RBM26: variants seen among roughly 807,000 people sequenced by gnomAD.
RBM26 encodes the protein RNA-binding protein 26.
Under a neutral mutation model 123.6 loss-of-function variants are expected in RBM26, and 30 were observed. The ratio of observed to expected loss-of-function variants is 0.24; its 90% CI spans 0.18 to 0.33. The LOEUF is 0.33. RBM26 is among the 10% of genes least tolerant of loss of function. The pLI, the probability that RBM26 is intolerant of heterozygous loss-of-function variation, is 1.00. For missense variants in RBM26, 947 were observed against 1,203.6 expected, an observed-to-expected ratio of 0.79 and a Z score of 3.15; for synonymous variants, 400 against 404.4, an observed-to-expected ratio of 0.99 and a Z score of 0.13.
chr13:79,366,730 G>C lies in RBM26; in HGVS notation c.1038C>G (p.Leu346=), dbSNP rs376117873. ...GTGTAAGAATTGGTGGAGGTGGGGG[G>C]AGTCCAGGAGGAGGTGGTCCTTCAA... The part of the protein sequence containing the change: ...PVVEGPPPPG[L]PPPPPILTPP... Residue 346 remains leucine (L), a synonymous_variant, in exon 7 of 22, where the codon CTC becomes CTG. Transcript: ENST00000438737. 7.5e-6 allele frequency: 12 copies of C among 1,606,738 alleles called. No individual in the cohort carries two copies. In the East Asian group the frequency reaches 9.0e-5, roughly 12 times the overall value.
In RBM26 at chr13:79,319,989, T is replaced by C; in HGVS notation, c.*632A>G. On this transcript the variant is annotated 3_prime_UTR_variant, in exon 22 of 22. Coordinates refer to ENST00000438737, the MANE Select transcript of RBM26 (RefSeq NM_001366735.2). ...TTTTTTTGTCATTGCTTTTCTCTTTTCTTTCCTTTTTTTTTTTTAAAGAGA... is the reference window on the plus strand; with the variant it reads ...TTTTTTTGTCATTGCTTTTCTCTTTCCTTTCCTTTTTTTTTTTTAAAGAGA... The C allele has an allele frequency of 2.6e-6, 2 of 778,994 alleles. No homozygotes were observed. Among genetic ancestry groups the C allele is most frequent in the Non-Finnish European group, 3.1e-6 (2 of 653,466 alleles). The allele number at this position is 778,994 out of a possible 1,614,324, so 48.3% of individuals were successfully genotyped here. A position where few individuals can be genotyped will look rare whatever the true frequency, so the allele number is the denominator to read the frequency against.
intron 3 of RBM26, among the ~76,000 whole-genome samples, chr13:79,373,228 GTA>G (rs201884929): frequency 0.063 from 6,315 of 100,638 alleles, 365 homozygotes; most frequent in East Asian, 0.17. Flanking sequence ...ATATAAATAT[GTA>G]TATGTTTATG....
chr13:79,378,949 C>A, intron 1 of RBM26, 42 bp from the exon 2 acceptor site: 1 of 1,175,392 alleles, frequency 8.5e-7, no homozygotes, highest in Non-Finnish European at 1.3e-6. Flanking sequence ...TAGCCAACTG[C>A]ACATTCTACA....
At chr13:79,367,154 C>T (rs866438625) in intron 6 of RBM26, among the ~76,000 whole-genome samples, 2 of 151,970 alleles carry the variant, frequency 1.3e-5, no homozygotes, top group Middle Eastern at 3.4e-3. Flanking sequence ...GGCCTGTAAT[C>T]CCAGCACTTT....
intron 6 of RBM26, among the ~76,000 whole-genome samples, chr13:79,367,494 A>G (rs1365493858): frequency 6.7e-6 from 1 of 149,300 alleles, no homozygotes; most frequent in Non-Finnish European, 1.5e-5. Context: ...GCCTGGTAGG[A>G]GGTGTTAGGG....
chr13:79,350,747 G>C (rs1281057930), intron 14 of RBM26, among the ~76,000 whole-genome samples: 1 of 151,916 alleles, frequency 6.6e-6, no homozygotes, highest in Non-Finnish European at 1.5e-5. Context: ...TTTAAAAAAA[G>C]AATCTTTCAA....
Position 79,359,666 on chromosome 13 carries a change from T to C in RBM26, c.1438A>G (p.Ser480Gly). The change falls in exon 10 of 22, where the codon AGT becomes GGT. Residue 480 changes from serine to glycine, a missense_variant. Ser to Gly is a moderately conservative substitution (Grantham distance 56, BLOSUM62 0). Transcript: ENST00000438737. ...PPREKPPNKS[S>G]MRIVVDSESR... ...TCTGAGTCCACTACTATCCTCATAC[T>C]GCTTTTATTGGGAGGCTTTTCTGTT... The C allele has an allele frequency of 6.4e-7, 1 of 1,564,188 alleles. No homozygotes were observed. The highest frequency in any genetic ancestry group is 8.6e-7 in the Non-Finnish European group (1 of 1,159,424).
chr13:79,364,079 C>T (rs954949600), intron 9 of RBM26, among the ~76,000 whole-genome samples: 6 of 152,074 alleles, frequency 3.9e-5, no homozygotes, highest in Non-Finnish European at 7.4e-5. Context: ...GGCCACTTTT[C>T]AATTACAAGG....
Position 79,354,548 on chromosome 13 carries a change from T to C in RBM26, c.1877A>G (p.Gln626Arg). Residue 626 changes from glutamine (Q) to arginine (R), a missense_variant, in exon 13 of 22, where the codon CAG (glutamine) becomes CGG (arginine). By Grantham distance (43) the Gln-to-Arg change is conservative. Coordinates refer to ENST00000438737, the MANE Select transcript of RBM26 (RefSeq NM_001366735.2). ...CTGCTTCACAACAGGCAAAATGGGC[T>C]GCTGGACTAAAGGCTGCATTACCTC... ...SPKVMQPLVQ[Q>R]PILPVVKQSV... 1 of 1,603,872 alleles carries C rather than the reference T, an allele frequency of 6.2e-7. No individual in the cohort carries two copies. Among genetic ancestry groups the C allele is most frequent in the Non-Finnish European group, 8.5e-7 (1 of 1,173,194 alleles).
At chr13:79,382,357 T>C (rs558388741) in intron 1 of RBM26, among the ~76,000 whole-genome samples, 1 of 152,262 alleles carries the variant, frequency 6.6e-6, no homozygotes, top group Admixed American at 6.5e-5. Context: ...GACTTTTCTT[T>C]ACCCCTGCTA....
In RBM26 at chr13:79,337,071, G is replaced by A. The variant is rs1183724724; in HGVS notation, c.2733+31C>T. 4.5e-6 allele frequency: 7 copies of A among 1,567,622 alleles called. No individual in the cohort carries two copies. In the African/African-American group the frequency reaches 5.4e-5, roughly 12 times the overall value. ...CTACTATCCCCAATGATGATTATCA[G>A]CATTTGTTTTGTTGAGCAGTAAGAA... On this transcript the variant is annotated intron_variant, in intron 19 of 21. Coordinates refer to ENST00000438737, the MANE Select transcript of RBM26 (RefSeq NM_001366735.2).
chr13:79,332,270 A>T (rs2069561573), intron 20 of RBM26, among the ~76,000 whole-genome samples: 1 of 152,104 alleles, frequency 6.6e-6, no homozygotes, highest in Non-Finnish European at 1.5e-5. Context: ...AATTTCCTTT[A>T]TTTTATATAA....
chr13:79,312,497 A>G (rs2066922323), exon 5 of RBM26: 1 of 152,058 alleles, frequency 6.6e-6, no homozygotes, highest in South Asian at 2.1e-4. Context: ...AATGTTCCGT[A>G]AATATTTAAG....
intron 1 of RBM26, among the ~76,000 whole-genome samples, chr13:79,391,512 C>G (rs1469907973): frequency 6.6e-6 from 1 of 152,154 alleles, no homozygotes; most frequent in Non-Finnish European, 1.5e-5. Context: ...CAACCACCAC[C>G]TCCTGGGTTC....
chr13:79,364,632 C>T (rs1056254035), intron 9 of RBM26, among the ~76,000 whole-genome samples: 1 of 152,084 alleles, frequency 6.6e-6, no homozygotes, highest in African/African-American at 2.4e-5. Flanking sequence ...TTAATGTGAA[C>T]TTTCTCCCTC....
At chr13:79,355,584 G>A (rs1338725804) in intron 11 of RBM26, among the ~76,000 whole-genome samples, 200 bp from the exon 12 acceptor site, 5 of 152,134 alleles carry the variant, frequency 3.3e-5, no homozygotes, top group Non-Finnish European at 1.5e-5. Flanking sequence ...CATAAAAAGA[G>A]TTCCTCTATA....
chr13:79,337,170 G>A lies in RBM26; in HGVS notation c.2665C>T (p.Arg889Cys), dbSNP rs2070565202. 4 of 1,614,082 alleles carry A rather than the reference G, an allele frequency of 2.5e-6. No homozygotes were observed. Among genetic ancestry groups the A allele is most frequent in the Non-Finnish European group, 3.4e-6 (4 of 1,180,000 alleles). The change falls in exon 19 of 22, where the codon CGT (arginine) becomes TGT (cysteine). Residue 889 changes from arginine to cysteine, a missense_variant. By Grantham distance (180) the Arg-to-Cys change is radical. Coordinates refer to ENST00000438737, the MANE Select transcript of RBM26 (RefSeq NM_001366735.2). ...GCAGAAATCTCCAATGCCCTGGGAC[G>A]GTGATCCACCACAGCATGACCAGGC... is the stretch of plus-strand genomic sequence containing the variant. ...GVPGHAVVDH[R>C]PRALEISAFT...
chr13:79,342,152 CAATT>C (rs1172239793), intron 17 of RBM26, among the ~76,000 whole-genome samples: 8 of 151,710 alleles, frequency 5.3e-5, no homozygotes, highest in Non-Finnish European at 7.4e-5. Flanking sequence ...TTTAAAATAT[CAATT>C]AGAGTCATGA....
rs1289722637 is a variant in RBM26 at position 79,405,771 on chromosome 13, C to T, written c.4G>A (p.Val2Ile). 6.3e-7 allele frequency: 1 copy of T among 1,587,962 alleles called. No homozygotes were observed. The highest frequency in any genetic ancestry group is 8.6e-7 in the Non-Finnish European group (1 of 1,166,460). M[V>I]SKMIIENFEA... Reference sequence around the variant, plus strand: ...AAGTTTTCAATGATCATTTTAGAAACCATCCACAGCGGCCCTAAGGCCCGT... The same window carrying T: ...AAGTTTTCAATGATCATTTTAGAAATCATCCACAGCGGCCCTAAGGCCCGT... Residue 2 changes from valine (V) to isoleucine (I), a missense_variant, in exon 1 of 22, where the codon GTT becomes ATT. By Grantham distance (29) the Val-to-Ile change is conservative (BLOSUM62 3). Around this residue, in one of 5 missense-constraint regions of RBM26, gnomAD observed 275 missense variants for 361.0 expected, o/e 0.76. Coordinates refer to ENST00000438737, the MANE Select transcript of RBM26 (RefSeq NM_001366735.2).
Sources: gnomAD v4.1 joint callset for allele counts (sites outside exome capture counted in the v4.1 genomes callset) on GRCh38, gnomAD v4.1.1 for gene constraint, gnomAD v4.1.1 regional missense constraint, MANE v1.5 for transcripts, NCBI Gene and HGNC (gene_info 2026-07-23, HGNC 2026-07-21) for gene names.